The following SYCP2L variants were observed in gnomAD, a reference collection of about 807,000 sequenced individuals.
SYCP2L encodes the protein synaptonemal complex protein 2 like, also known as synaptonemal complex protein 2-like.
A neutral mutation model predicts 125.8 loss-of-function variants in SYCP2L; 98 were observed. The observed-to-expected ratio is 0.78, with a 90% CI of 0.66 to 0.92. The LOEUF is 0.92. SYCP2L is among the 40% of genes least tolerant of loss of function. The probability of loss-of-function intolerance (pLI) is 0.00; values close to 1 mark genes in which losing one functional copy is unlikely to be tolerated. For missense variants in SYCP2L, 842 were observed against 936.4 expected (o/e 0.90, Z 1.32); for synonymous variants, 317 against 325.4 (o/e 0.97, Z 0.28).
rs1458151811 is a variant in SYCP2L at position 10,926,330 on chromosome 6, G to C, written c.1219-9G>C. ...ACATTTCAAAGTTGACCTTTGTCTT[G>C]CATTTCAGATGTTGCCTGACCAGAC... On this transcript the variant is annotated splice_polypyrimidine_tract_variant and intron_variant, in intron 15 of 29. Transcript: ENST00000283141. 1.9e-6 allele frequency: 3 copies of C among 1,597,724 alleles called. No individual in the cohort carries two copies. Among genetic ancestry groups the C allele is most frequent in the Non-Finnish European group, 2.6e-6 (3 of 1,170,256 alleles).
At chr6:10,907,333 G>T (rs1318822354) in intron 9 of SYCP2L, among the ~76,000 whole-genome samples, 1 of 150,258 alleles carries the variant, frequency 6.7e-6, no homozygotes, top group Non-Finnish European at 1.5e-5. Flanking sequence ...GCACTCCAGG[G>T]TGACAGAGTG....
At chr6:10,927,843 T>C (rs978895544) in intron 17 of SYCP2L, among the ~76,000 whole-genome samples, 1 of 152,178 alleles carries the variant, frequency 6.6e-6, no homozygotes, top group African/African-American at 2.4e-5. Context: ...CCATAGAAGA[T>C]GGTCACACCC....
At chr6:10,932,808 C>T (rs904830201) in intron 20 of SYCP2L, among the ~76,000 whole-genome samples, 3 of 152,130 alleles carry the variant, frequency 2.0e-5, no homozygotes, top group Non-Finnish European at 4.4e-5. Flanking sequence ...GGCTGAAGTG[C>T]AGTAGTGCGA....
chr6:10,926,848 C>G (rs181749977), intron 16 of SYCP2L, among the ~76,000 whole-genome samples: 1 of 149,464 alleles, frequency 6.7e-6, no homozygotes, highest in African/African-American at 2.5e-5. Context: ...GGCACGATCT[C>G]GGCTCACTGC....
At chr6:10,898,333 G>A (rs1324270249) in intron 5 of SYCP2L, among the ~76,000 whole-genome samples, 1 of 152,098 alleles carries the variant, frequency 6.6e-6, no homozygotes, top group Non-Finnish European at 1.5e-5. Flanking sequence ...TGGCCAACAT[G>A]GTGAAACCCA....
chr6:10,907,002 A>G (rs1780509119), intron 9 of SYCP2L, among the ~76,000 whole-genome samples: 1 of 152,182 alleles, frequency 6.6e-6, no homozygotes, highest in African/African-American at 2.4e-5. Context: ...AAATTGTTAT[A>G]TGCCAACCTC....
Position 10,887,121 on chromosome 6 carries a change from C to T in SYCP2L, c.-6C>T. On this transcript the variant is annotated 5_prime_UTR_variant, in exon 1 of 30. Transcript: ENST00000283141. The stretch of plus-strand genomic sequence containing the variant: ...CGCGTCGCTTCAGGAACGAAGAAGC[C>T]TCGTTATGCAAGCGGTGAGTGACCC... The T allele has an allele frequency of 6.2e-7, 1 of 1,614,136 alleles. No individual in the cohort carries two copies. The highest frequency in any genetic ancestry group is 8.5e-7 in the Non-Finnish European group (1 of 1,179,996).
chr6:10,930,529 T>G lies in SYCP2L; in HGVS notation c.1633+15T>G. The G allele has an allele frequency of 6.2e-7, 1 of 1,603,522 alleles. No homozygotes were observed. Among genetic ancestry groups the G allele is most frequent in the Non-Finnish European group, 8.5e-7 (1 of 1,175,540 alleles). ...TAATTTGAGAAGTAAGTCTGGCATG[T>G]CTTCTTTTGAATCACTTTTCAAATA... On this transcript the variant is annotated intron_variant, in intron 19 of 29. Coordinates refer to ENST00000283141, the MANE Select transcript of SYCP2L (RefSeq NM_001040274.3).
intron 1 of SYCP2L, among the ~76,000 whole-genome samples, chr6:10,889,079 C>A (rs1261571488): frequency 6.6e-6 from 1 of 152,114 alleles, no homozygotes; most frequent in Non-Finnish European, 1.5e-5. Flanking sequence ...ACAGGCTGGT[C>A]TCGAACTCCT....
chr6:10,908,468 C>T (rs1190723591), intron 10 of SYCP2L, among the ~76,000 whole-genome samples: 20 of 152,084 alleles, frequency 1.3e-4, no homozygotes, highest in Non-Finnish European at 1.5e-5. Context: ...GCAAGCTGGG[C>T]TTCCTGTGAT....
At chr6:10,894,651 G>A (rs1780227673) in intron 4 of SYCP2L, among the ~76,000 whole-genome samples, 1 of 152,110 alleles carries the variant, frequency 6.6e-6, no homozygotes, top group Admixed American at 6.5e-5. Flanking sequence ...AAAACAAATA[G>A]CAGAAACATT....
intron 4 of SYCP2L, among the ~76,000 whole-genome samples, chr6:10,896,485 A>G (rs925951627): frequency 6.6e-6 from 1 of 152,176 alleles, no homozygotes; most frequent in Non-Finnish European, 1.5e-5. Flanking sequence ...AGTGGTGACA[A>G]AAATGTATTT....
intron 23 of SYCP2L, among the ~76,000 whole-genome samples, chr6:10,952,025 C>G (rs1488868162): frequency 2.0e-5 from 3 of 152,198 alleles, no homozygotes; most frequent in African/African-American, 7.2e-5. Flanking sequence ...AGCACACCCC[C>G]TCTGCAGCCA....
At chr6:10,962,415 C>T (rs1581845905) in intron 28 of SYCP2L, among the ~76,000 whole-genome samples, 1 of 149,552 alleles carries the variant, frequency 6.7e-6, no homozygotes, top group Non-Finnish European at 1.5e-5. Context: ...CCTCACACAC[C>T]ATCTCCCTCT....
intron 1 of SYCP2L, among the ~76,000 whole-genome samples, chr6:10,889,130 G>A (rs1322619646): frequency 6.6e-6 from 1 of 152,222 alleles, no homozygotes; most frequent in Non-Finnish European, 1.5e-5. Flanking sequence ...AAAGTGCTGG[G>A]ATTACAGGCG....
chr6:10,891,609 CT>C lies in SYCP2L; in HGVS notation c.78+29del. ...AAAGATCAAGTTTCTTTTATAATCT[CT>C]CTCTGTGTGTGTGTGTGTGTGTGTG... On this transcript the variant is annotated intron_variant, in intron 2 of 29. Transcript: ENST00000283141. The C allele has an allele frequency of 2.4e-5, 18 of 763,278 alleles. 3 individuals are homozygous for C. Among genetic ancestry groups the C allele is most frequent in the African/African-American group, 1.8e-4 (8 of 43,360 alleles). 47.3% of individuals were successfully genotyped at this position (763,278 alleles called of 1,614,324 possible). A position where few individuals can be genotyped will look rare whatever the true frequency, so the allele number is the denominator to read the frequency against.
intron 8 of SYCP2L, among the ~76,000 whole-genome samples, chr6:10,903,233 G>A: frequency 6.6e-6 from 1 of 152,204 alleles, no homozygotes; most frequent in Admixed American, 6.5e-5. Flanking sequence ...AGGAGATCGA[G>A]ACCATCCTGG....
chr6:10,944,218 T>C (rs1435848592), intron 23 of SYCP2L, among the ~76,000 whole-genome samples: 4 of 152,214 alleles, frequency 2.6e-5, no homozygotes, highest in African/African-American at 7.2e-5. Flanking sequence ...TATTTTAAAT[T>C]TCTGATATAT....
intron 14 of SYCP2L, among the ~76,000 whole-genome samples, chr6:10,920,616 ATT>A (rs1481269419): frequency 6.8e-6 from 1 of 147,016 alleles, no homozygotes; most frequent in Non-Finnish European, 1.5e-5. Flanking sequence ...TCCTTTTTTT[ATT>A]TTCTTCAACT....
Sources: allele counts gnomAD v4.1 joint callset (sites outside exome capture counted in the v4.1 genomes callset), GRCh38; gene constraint gnomAD v4.1.1; transcripts MANE v1.5; gene names NCBI Gene and HGNC (gene_info 2026-07-23, HGNC 2026-07-21).